MCTP1: variants seen among roughly 807,000 people sequenced by gnomAD.
MCTP1 encodes the protein multiple C2 and transmembrane domain containing 1, also known as multiple C2 and transmembrane domain-containing protein 1.
In MCTP1, 69 loss-of-function variants were observed where a neutral mutation model predicts 120.6. That is an observed-to-expected ratio of 0.57 (90% CI 0.47 to 0.70). The LOEUF (loss-of-function observed/expected upper bound fraction) is 0.70. Among genes scored for constraint, MCTP1 ranks in the 30% least tolerant of loss-of-function variants. The pLI, the probability that MCTP1 is intolerant of heterozygous loss-of-function variation, is 0.00. For synonymous variants in MCTP1, 529 were observed against 493.1 expected, an observed-to-expected ratio of 1.07 and a Z score of -0.96; for missense variants, 1,203 against 1,248.8, an observed-to-expected ratio of 0.96 and a Z score of 0.55.
chr5:94,955,558 T>C (rs1822380961), intron 2 of MCTP1, among the ~76,000 whole-genome samples: 1 of 152,146 alleles, frequency 6.6e-6, no homozygotes, highest in Non-Finnish European at 1.5e-5. Flanking sequence ...GAAGTCGACC[T>C]GGGAGGCTTG....
chr5:94,716,533 A>G (rs1759433523), intron 19 of MCTP1, among the ~76,000 whole-genome samples: 1 of 152,148 alleles, frequency 6.6e-6, no homozygotes, highest in African/African-American at 2.4e-5. Flanking sequence ...TTCTCATCTC[A>G]AGCACCAGCT....
chr5:94,885,316 C>G (rs1561802859), intron 12 of MCTP1, among the ~76,000 whole-genome samples: 2 of 144,334 alleles, frequency 1.4e-5, no homozygotes, highest in Non-Finnish European at 3.0e-5. Context: ...AAAAAAAAAA[C>G]AGAGAGAAAG....
At chr5:95,036,911 TTCAC>T (rs141556044) in intron 1 of MCTP1, among the ~76,000 whole-genome samples, 1 of 151,492 alleles carries the variant, frequency 6.6e-6, no homozygotes. Flanking sequence ...ATTTCATTCT[TTCAC>T]TCACTCACTC....
chr5:95,015,271 T>C (rs1196581531), intron 2 of MCTP1, among the ~76,000 whole-genome samples: 1 of 152,126 alleles, frequency 6.6e-6, no homozygotes, highest in Non-Finnish European at 1.5e-5. Context: ...ATACCCTTTT[T>C]CATAGCTACT....
At chr5:94,984,524 C>T (rs2033709) in intron 2 of MCTP1, among the ~76,000 whole-genome samples, 2,970 of 152,052 alleles carry the variant, frequency 0.02, 93 homozygotes, top group African/African-American at 0.065. Context: ...GAGTCTTGAA[C>T]GCCAGACTGA....
At chr5:95,119,955 G>A (rs906952365) in intron 1 of MCTP1, among the ~76,000 whole-genome samples, 4 of 151,892 alleles carry the variant, frequency 2.6e-5, no homozygotes, top group African/African-American at 7.3e-5. Flanking sequence ...GGCAGATCAC[G>A]AGGTCAGGAG....
chr5:95,018,592 T>C (rs938199447), intron 1 of MCTP1, among the ~76,000 whole-genome samples: 5 of 152,056 alleles, frequency 3.3e-5, no homozygotes, highest in East Asian at 3.9e-4. Flanking sequence ...ACAGCTTTGA[T>C]TGACAACCTG....
chr5:95,221,855 T>C (rs1415532052), intron 1 of MCTP1, among the ~76,000 whole-genome samples: 1 of 152,168 alleles, frequency 6.6e-6, no homozygotes, highest in East Asian at 1.9e-4. Context: ...ACACATGAAA[T>C]CTTACTGGAA....
intron 1 of MCTP1, among the ~76,000 whole-genome samples, chr5:95,110,484 G>A (rs1396713914): frequency 6.6e-6 from 1 of 152,068 alleles, no homozygotes; most frequent in African/African-American, 2.4e-5. Context: ...AGGAACTTGG[G>A]TTCCCAGAAA....
intron 17 of MCTP1, among the ~76,000 whole-genome samples, chr5:94,806,989 C>T (rs1782468871): frequency 6.6e-6 from 1 of 152,070 alleles, no homozygotes; most frequent in African/African-American, 2.4e-5. Context: ...TCATTTTTTT[C>T]TTAAACTTAA....
At chr5:95,189,302 T>C (rs3906346) in intron 1 of MCTP1, among the ~76,000 whole-genome samples, 1,808 of 152,274 alleles carry the variant, frequency 0.012, 30 homozygotes, top group African/African-American at 0.04. Context: ...GTGAAGCGAC[T>C]GCAAAAGAAT....
intron 1 of MCTP1, among the ~76,000 whole-genome samples, chr5:95,111,630 G>C (rs1025143031): frequency 6.6e-6 from 1 of 152,086 alleles, no homozygotes; most frequent in Non-Finnish European, 1.5e-5. Flanking sequence ...AAGATGTTTG[G>C]TATAGACAGA....
At chr5:95,208,987 T>C (rs1013248465) in intron 1 of MCTP1, among the ~76,000 whole-genome samples, 3 of 152,166 alleles carry the variant, frequency 2.0e-5, no homozygotes, top group African/African-American at 4.8e-5. Context: ...TCTCCTGCAA[T>C]TGCTCCACAT....
intron 1 of MCTP1, among the ~76,000 whole-genome samples, chr5:95,113,504 T>C (rs553971335): frequency 4.6e-5 from 7 of 152,110 alleles, no homozygotes; most frequent in African/African-American, 1.7e-4. Flanking sequence ...TGAGACAACG[T>C]ATATTGAACT....
At chr5:95,085,199 A>T (rs1755334453) in intron 1 of MCTP1, among the ~76,000 whole-genome samples, 1 of 152,018 alleles carries the variant, frequency 6.6e-6, no homozygotes, top group East Asian at 1.9e-4. Flanking sequence ...CCCATTACCT[A>T]TCCCATCCCT....
At chr5:95,079,795 A>G (rs1754461727) in intron 1 of MCTP1, among the ~76,000 whole-genome samples, 1 of 152,048 alleles carries the variant, frequency 6.6e-6, no homozygotes, top group South Asian at 2.1e-4. Flanking sequence ...AACTTTTATT[A>G]ATATCACCAG....
intron 12 of MCTP1, among the ~76,000 whole-genome samples, chr5:94,879,017 T>C (rs1054190298): frequency 8.6e-5 from 13 of 151,968 alleles, no homozygotes; most frequent in Admixed American, 8.5e-4. Context: ...AGAGAAACAC[T>C]TCTGGAGAAA....
Position 94,870,642 on chromosome 5 carries a change from C to T in MCTP1, c.2242-151G>A, listed in dbSNP as rs1489099256. On this transcript the variant is annotated intron_variant, in intron 15 of 22. Transcript: ENST00000515393. Reference sequence around the variant, plus strand: ...AAATGTATACAGTTGCACATGCATGCGCTTCCCTTTCTTATGCCGGTAGAC... The same window carrying T: ...AAATGTATACAGTTGCACATGCATGTGCTTCCCTTTCTTATGCCGGTAGAC... The T allele has an allele frequency of 1.7e-5, 12 of 687,616 alleles. 1 individual carries two copies. The highest frequency in any genetic ancestry group is 1.6e-4 in the South Asian group (9 of 54,872). The allele number at this position is 687,616 out of a possible 1,614,324, so 42.6% of individuals were successfully genotyped here. A position where few individuals can be genotyped will look rare whatever the true frequency, so the allele number is the denominator to read the frequency against.
At chr5:95,260,248 A>G (rs1387593321) in intron 1 of MCTP1, among the ~76,000 whole-genome samples, 1 of 152,234 alleles carries the variant, frequency 6.6e-6, no homozygotes, top group African/African-American at 2.4e-5. Flanking sequence ...ACCAAGTCCC[A>G]GAACAGGTTG....
Sources: gnomAD v4.1 joint callset for allele counts (sites outside exome capture counted in the v4.1 genomes callset) on GRCh38, gnomAD v4.1.1 for gene constraint, MANE v1.5 for transcripts, NCBI Gene and HGNC (gene_info 2026-07-23, HGNC 2026-07-21) for gene names.